STMN2: variants seen among roughly 807,000 people sequenced by gnomAD.
STMN2 encodes the protein stathmin 2.
A neutral mutation model predicts 24.1 loss-of-function variants in STMN2; 2 were observed. The observed-to-expected ratio is 0.08, with a 90% CI of 0.03 to 0.26. The LOEUF is 0.26. STMN2 is among the 10% of genes least tolerant of loss of function. STMN2 has a pLI of 1.00. For synonymous variants in STMN2, 83 were observed against 77.5 expected (o/e 1.07, Z -0.37); for missense variants, 114 against 213.6 (o/e 0.53, Z 2.91).
rs200501807 is a variant in STMN2, at chr8:79,614,704, G to GT, written c.19+3499dup. On this transcript the variant is annotated intron_variant, in intron 1 of 4. Transcript: ENST00000220876. ...ACAACTTTAGTCAAAATTCACAATGGTTTTTTTTTACAATAATGTGACTTA... is the reference window on the plus strand; with the variant it reads ...ACAACTTTAGTCAAAATTCACAATGGTTTTTTTTTTACAATAATGTGACTTA... Among the ~76,000 whole-genome samples, 457 of 151,272 alleles carry GT rather than the reference G, an allele frequency of 3.0e-3. 3 individuals are homozygous for GT. Among genetic ancestry groups the GT allele is most frequent in the African/African-American group, 8.9e-3 (366 of 41,230 alleles).
chr8:79,619,683 A>G (rs542119832), intron 1 of STMN2, among the ~76,000 whole-genome samples: 1 of 152,288 alleles, frequency 6.6e-6, no homozygotes, highest in African/African-American at 2.4e-5. Context: ...TTATTAATGC[A>G]GAGTTACTTT....
At chr8:79,626,863 G>A (rs1809669021) in intron 1 of STMN2, among the ~76,000 whole-genome samples, 1 of 152,184 alleles carries the variant, frequency 6.6e-6, no homozygotes, top group African/African-American at 2.4e-5. Flanking sequence ...GGAGAAGTAA[G>A]GGCTAAGGTC....
intron 1 of STMN2, among the ~76,000 whole-genome samples, chr8:79,633,009 CT>C (rs35181798): frequency 6.6e-6 from 1 of 151,956 alleles, no homozygotes; most frequent in Non-Finnish European, 1.5e-5. Flanking sequence ...AGTCTCTTCC[CT>C]TTTTTTTCTC....
At chr8:79,626,639 CA>C (rs772695541) in intron 1 of STMN2, among the ~76,000 whole-genome samples, 3 of 152,180 alleles carry the variant, frequency 2.0e-5, no homozygotes, top group Non-Finnish European at 2.9e-5. Context: ...CTAATTGGGC[CA>C]CTGGAAGATT....
chr8:79,633,507 T>G (rs1412365599), intron 1 of STMN2, among the ~76,000 whole-genome samples: 1 of 152,152 alleles, frequency 6.6e-6, no homozygotes, highest in Non-Finnish European at 1.5e-5. Context: ...CAACAGAAAT[T>G]TATTTTTCAC....
intron 4 of STMN2, among the ~76,000 whole-genome samples, chr8:79,659,085 G>T (rs1209046601): frequency 6.6e-6 from 1 of 152,170 alleles, no homozygotes; most frequent in Non-Finnish European, 1.5e-5. Context: ...TTGCATAAGT[G>T]TTCTTTCTTC....
chr8:79,643,393 A>G (rs565931086), intron 3 of STMN2, among the ~76,000 whole-genome samples: 1 of 152,210 alleles, frequency 6.6e-6, no homozygotes, highest in East Asian at 1.9e-4. Flanking sequence ...AGTGGAGAGC[A>G]TGTTGCACCC....
intron 1 of STMN2, among the ~76,000 whole-genome samples, chr8:79,618,200 A>G (rs189243363): frequency 7.1e-4 from 108 of 152,314 alleles, no homozygotes; most frequent in Middle Eastern, 3.4e-3. Context: ...ATACTTCCAA[A>G]TTGATGCCTA....
At chr8:79,625,686 A>T (rs1050083938) in intron 1 of STMN2, among the ~76,000 whole-genome samples, 14 of 152,184 alleles carry the variant, frequency 9.2e-5, no homozygotes, top group African/African-American at 3.1e-4. Context: ...GGCTGGGAGC[A>T]GTGGCTCACG....
At chr8:79,657,670 C>G (rs910134132) in intron 4 of STMN2, among the ~76,000 whole-genome samples, 17 of 152,162 alleles carry the variant, frequency 1.1e-4, no homozygotes, top group African/African-American at 3.9e-4. Flanking sequence ...CTTTTCAAAT[C>G]TAATAGGATC....
At chr8:79,642,673 G>T (rs770620885) in intron 3 of STMN2, among the ~76,000 whole-genome samples, 36 of 151,992 alleles carry the variant, frequency 2.4e-4, no homozygotes, top group Middle Eastern at 6.9e-3. Context: ...TAGTATATGT[G>T]CATATATACA....
At chr8:79,659,034 T>C (rs1806442254) in intron 4 of STMN2, among the ~76,000 whole-genome samples, 1 of 152,252 alleles carries the variant, frequency 6.6e-6, no homozygotes, top group Non-Finnish European at 1.5e-5. Context: ...ATATGCTTTG[T>C]GATGTCATCA....
At chr8:79,615,570 A>C (rs1224748796) in intron 1 of STMN2, among the ~76,000 whole-genome samples, 1 of 152,238 alleles carries the variant, frequency 6.6e-6, no homozygotes, top group Non-Finnish European at 1.5e-5. Flanking sequence ...GGTTCTGTCC[A>C]TTGGAAAACC....
chr8:79,659,078 C>T (rs1806442877), intron 4 of STMN2, among the ~76,000 whole-genome samples: 1 of 152,192 alleles, frequency 6.6e-6, no homozygotes, highest in Non-Finnish European at 1.5e-5. Flanking sequence ...GTCTTTGTTG[C>T]ATAAGTGTTC....
intron 1 of STMN2, among the ~76,000 whole-genome samples, chr8:79,623,805 G>T (rs940855390): frequency 1.3e-5 from 2 of 152,022 alleles, no homozygotes; most frequent in South Asian, 4.1e-4. Flanking sequence ...AAACTCTAAT[G>T]AGGTTCTGGA....
At chr8:79,647,481 G>A (rs1810242999) in intron 3 of STMN2, among the ~76,000 whole-genome samples, 2 of 152,268 alleles carry the variant, frequency 1.3e-5, no homozygotes, top group South Asian at 2.1e-4. Flanking sequence ...TATTTGGGGG[G>A]CTTTCTGGGT....
At chr8:79,657,023 A>G (rs1444549214) in intron 4 of STMN2, among the ~76,000 whole-genome samples, 1 of 151,978 alleles carries the variant, frequency 6.6e-6, no homozygotes, top group Non-Finnish European at 1.5e-5. Flanking sequence ...ACAGGCGTAT[A>G]CCACCACGCC....
At chr8:79,647,848 G>T (rs1336254969) in intron 3 of STMN2, among the ~76,000 whole-genome samples, 1 of 152,158 alleles carries the variant, frequency 6.6e-6, no homozygotes, top group African/African-American at 2.4e-5. Context: ...TAATGCAACT[G>T]ACCCACAAGG....
At chr8:79,641,630 A>ACG (rs991381240) in intron 3 of STMN2, 80 bp downstream of exon 3, 26 of 169,334 alleles carry the variant, frequency 1.5e-4, no homozygotes, top group African/African-American at 6.3e-4. Flanking sequence ...ACATGCACGC[A>ACG]CACACACACA....
Sources: gnomAD v4.1 joint callset for allele counts (sites outside exome capture counted in the v4.1 genomes callset) on GRCh38, gnomAD v4.1.1 for gene constraint, MANE v1.5 for transcripts, NCBI Gene and HGNC (gene_info 2026-07-23, HGNC 2026-07-21) for gene names.